Variants in LOC128462377 observed in about 807,000 individuals in gnomAD.
At chr16:89,344,439 T>G in the LOC128462377 span, among the ~76,000 whole-genome samples, 2 of 152,198 alleles carry the variant, frequency 1.3e-5, no homozygotes, top group Non-Finnish European at 2.9e-5. Context: ...GGGCCACTGC[T>G]GTCCACACAC....
At chr16:89,397,165 C>G in the LOC128462377 span, among the ~76,000 whole-genome samples, 4 of 152,290 alleles carry the variant, frequency 2.6e-5, no homozygotes, top group East Asian at 7.7e-4. Context: ...AGAGCCAGAG[C>G]TCCTCAGGCT....
chr16:89,397,357 G>A, the LOC128462377 span, among the ~76,000 whole-genome samples: 5 of 152,206 alleles, frequency 3.3e-5, no homozygotes, highest in African/African-American at 1.2e-4. Flanking sequence ...AACTGGATGC[G>A]CATTTACAAA....
chr16:89,372,442 G>A, the LOC128462377 span, among the ~76,000 whole-genome samples: 4 of 152,174 alleles, frequency 2.6e-5, no homozygotes, highest in Non-Finnish European at 5.9e-5. Flanking sequence ...AGTGAGAGGC[G>A]GCTCAGGGCA....
chr16:89,317,143 A>C, the LOC128462377 span: 1 of 1,039,324 alleles, frequency 9.6e-7, no homozygotes, highest in Non-Finnish European at 1.4e-6. Flanking sequence ...CCACTCTCAC[A>C]CCGCACTCAA....
chr16:89,346,119 G>A, the LOC128462377 span, among the ~76,000 whole-genome samples: 1 of 151,642 alleles, frequency 6.6e-6, no homozygotes. Flanking sequence ...CGTGGTGCCG[G>A]GCGCTTGTAA....
the LOC128462377 span, among the ~76,000 whole-genome samples, chr16:89,409,379 C>T: frequency 4.6e-5 from 7 of 152,206 alleles, no homozygotes; most frequent in Non-Finnish European, 1.0e-4. Context: ...GGTGGGAAGG[C>T]GGTCCCCATC....
chr16:89,331,730 C>T, the LOC128462377 span, among the ~76,000 whole-genome samples: 1 of 152,206 alleles, frequency 6.6e-6, no homozygotes, highest in African/African-American at 2.4e-5. Context: ...AAGGGATCCT[C>T]CTGCCTCAGC....
the LOC128462377 span, among the ~76,000 whole-genome samples, chr16:89,335,743 C>G: frequency 6.6e-6 from 1 of 152,224 alleles, no homozygotes; most frequent in Non-Finnish European, 1.5e-5. Flanking sequence ...CATCACTGAC[C>G]GTGACAGGCC....
chr16:89,336,456 A>C, the LOC128462377 span, among the ~76,000 whole-genome samples: 1 of 152,240 alleles, frequency 6.6e-6, no homozygotes. Context: ...CCAGGTGAAC[A>C]CTGAAGGAGG....
At chr16:89,317,392 G>A in the LOC128462377 span, among the ~76,000 whole-genome samples, 1 of 152,166 alleles carries the variant, frequency 6.6e-6, no homozygotes, top group East Asian at 1.9e-4. Context: ...CTGGATCCTG[G>A]GTCCCACCTG....
chr16:89,322,929 C>T, the LOC128462377 span, among the ~76,000 whole-genome samples: 3 of 152,218 alleles, frequency 2.0e-5, no homozygotes, highest in Non-Finnish European at 2.9e-5. Context: ...CTGTAGCCTC[C>T]GCCTCCTGGG....
the LOC128462377 span, among the ~76,000 whole-genome samples, chr16:89,374,961 C>T: frequency 3.3e-5 from 5 of 152,044 alleles, no homozygotes; most frequent in African/African-American, 9.7e-5. Flanking sequence ...CATGAATGTA[C>T]AAAATATATG....
At chr16:89,337,433 T>TC in the LOC128462377 span, among the ~76,000 whole-genome samples, 1 of 104,138 alleles carries the variant, frequency 9.6e-6, no homozygotes, top group Non-Finnish European at 2.0e-5. Context: ...GCAATTCTTT[T>TC]TTTTTTTTTT....
the LOC128462377 span, among the ~76,000 whole-genome samples, chr16:89,338,728 A>G: frequency 7.0e-6 from 1 of 141,896 alleles, no homozygotes; most frequent in African/African-American, 2.6e-5. Flanking sequence ...CTCAGTCTCA[A>G]AAAAAAAAAA....
chr16:89,383,901 T>C, the LOC128462377 span, among the ~76,000 whole-genome samples: 1 of 152,166 alleles, frequency 6.6e-6, no homozygotes, highest in African/African-American at 2.4e-5. Flanking sequence ...AAACACCCGC[T>C]AGGGCCTTGT....
At chr16:89,386,551 C>T in the LOC128462377 span, among the ~76,000 whole-genome samples, 87 of 152,278 alleles carry the variant, frequency 5.7e-4, no homozygotes, top group Admixed American at 1.4e-3. Context: ...GGCAGTGGCC[C>T]GCAACGACCT....
chr16:89,413,580 G>A, the LOC128462377 span, among the ~76,000 whole-genome samples: 5 of 152,076 alleles, frequency 3.3e-5, no homozygotes, highest in South Asian at 4.1e-4. Flanking sequence ...AGCCGAGGTC[G>A]CACCACTGCA....
chr16:89,399,023 CTG>C, the LOC128462377 span, among the ~76,000 whole-genome samples: 1 of 152,208 alleles, frequency 6.6e-6, no homozygotes, highest in Non-Finnish European at 1.5e-5. Context: ...GCTCCATGCT[CTG>C]TGAGACGCAG....
At chr16:89,408,793 A>G in the LOC128462377 span, among the ~76,000 whole-genome samples, 1 of 152,218 alleles carries the variant, frequency 6.6e-6, no homozygotes, top group African/African-American at 2.4e-5. Context: ...ACATCTTTTG[A>G]GGCCTACATT....
Sources: allele counts gnomAD v4.1 joint callset (sites outside exome capture counted in the v4.1 genomes callset), GRCh38; gene constraint gnomAD v4.1.1; transcripts MANE v1.5.